TBC1D12: variants seen among roughly 807,000 people sequenced by gnomAD.
TBC1D12 encodes TBC1 domain family, member 12.
In TBC1D12, 56 loss-of-function variants were observed where a neutral mutation model predicts 86.7. The ratio of observed to expected loss-of-function variants is 0.65; its 90% confidence interval spans 0.52 to 0.81. The LOEUF is 0.81. TBC1D12 is among the 30% of genes least tolerant of loss of function. The pLI, the probability that TBC1D12 is intolerant of heterozygous loss-of-function variation, is 0.00. For missense variants in TBC1D12, 1,023 were observed against 1,038.8 expected (o/e 0.98, Z 0.21); for synonymous variants, 421 against 411.7 (o/e 1.02, Z -0.27).
intron 2 of TBC1D12, among the ~76,000 whole-genome samples, chr10:94,457,545 G>C (rs1476636987): frequency 1.3e-5 from 2 of 152,172 alleles, no homozygotes; most frequent in African/African-American, 4.8e-5. Context: ...CTCCAAAAGT[G>C]CTGGGATTAC....
At position 94,511,639 on chromosome 10, in the gene TBC1D12, G is replaced by C. The variant is rs369066898; in HGVS notation, c.1746G>C (p.Arg582Ser). 1 of 1,611,796 alleles carries C rather than the reference G, an allele frequency of 6.2e-7. No individual in the cohort carries two copies. The highest frequency in any genetic ancestry group is 8.5e-7 in the Non-Finnish European group (1 of 1,178,414). Residue 582 changes from arginine to serine, a missense_variant, in exon 9 of 13, where the codon AGG becomes AGC. Coordinates refer to ENST00000225235, the MANE Select transcript of TBC1D12 (RefSeq NM_015188.2). Reference sequence around the variant, plus strand: ...TTTTAGGGGCATACACATGCTACAGGCCTGATGTTGGTTATGTAAGTATTT... The same window carrying C: ...TTTTAGGGGCATACACATGCTACAGCCCTGATGTTGGTTATGTAAGTATTT... ...HSILGAYTCY[R>S]PDVGYVQGMS... is the part of the protein sequence containing the mutation.
rs868767022 is a variant in TBC1D12 at position 94,514,050 on chromosome 10, C to A, written c.1761+2396C>A. Among the ~76,000 whole-genome samples, 887 of 133,692 alleles carry A rather than the reference C, an allele frequency of 6.6e-3. 10 individuals are homozygous for A. Among genetic ancestry groups the A allele is most frequent in the African/African-American group, 0.018 (655 of 36,480 alleles). 87.7% of individuals were successfully genotyped at this position (133,692 alleles called of 152,430 possible). On this transcript the variant is annotated intron_variant, in intron 9 of 12. Transcript: ENST00000225235. The stretch of plus-strand genomic sequence containing the variant: ...TGTGTAATAAATCTCAAAAAAAAAA[C>A]AAAAAAAAAAAAACAGGCCAGGCAT...
chr10:94,496,516 C>T (rs1474314778), intron 4 of TBC1D12, among the ~76,000 whole-genome samples: 2 of 151,712 alleles, frequency 1.3e-5, no homozygotes, highest in Non-Finnish European at 1.5e-5. Flanking sequence ...ATTTATAAAC[C>T]CTTGTAGGAA....
Position 94,518,490 on chromosome 10 carries a change from C to G in TBC1D12, c.1762-3465C>G, listed in dbSNP as rs150844641. ...CCTCAGCCTTTTGTATGTGTCGTAA[C>G]AATGTCACTTTTCAAAAGTTAAGTC... On this transcript the variant is annotated intron_variant, in intron 9 of 12. Coordinates refer to ENST00000225235, the MANE Select transcript of TBC1D12 (RefSeq NM_015188.2). 5.2e-3 allele frequency among the ~76,000 whole-genome samples: 792 copies of G among 152,234 alleles called. 2 individuals are homozygous for G. The highest frequency in any genetic ancestry group is 6.6e-3 in the Non-Finnish European group (448 of 68,004).
chr10:94,532,975 TTAATC>T lies in TBC1D12; in HGVS notation c.2260-51_2260-47del, dbSNP rs1842468832. On this transcript the variant is annotated intron_variant, in intron 12 of 12. Coordinates refer to ENST00000225235, the MANE Select transcript of TBC1D12 (RefSeq NM_015188.2). ...ATGAACTATAGTTATTTAAATCTCT[TTAATC>T]TGGGTGGTAGTTTTTGAGGATTAAT... 6 of 1,027,470 alleles carry T rather than the reference TTAATC, an allele frequency of 5.8e-6. No homozygotes were observed. In the East Asian group the frequency reaches 1.3e-4, roughly 23 times the overall value. 63.6% of individuals were successfully genotyped at this position (1,027,470 alleles called of 1,614,324 possible).
rs1157045453 is a variant in TBC1D12 at position 94,441,880 on chromosome 10, C to G, written c.972-16C>G. The G allele has an allele frequency of 6.2e-7, 1 of 1,605,984 alleles. No individual in the cohort carries two copies. The highest frequency in any genetic ancestry group is 1.1e-5 in the South Asian group (1 of 88,952). ...GTTACAAAAAACACAATTCATGTAACTTTTCTGTGTTTCAGAAACCTTTTT... is the reference window on the plus strand; with the variant it reads ...GTTACAAAAAACACAATTCATGTAAGTTTTCTGTGTTTCAGAAACCTTTTT... On this transcript the variant is annotated splice_polypyrimidine_tract_variant and intron_variant, in intron 1 of 12. Coordinates refer to ENST00000225235, the MANE Select transcript of TBC1D12 (RefSeq NM_015188.2).
intron 3 of TBC1D12, among the ~76,000 whole-genome samples, chr10:94,479,767 T>G (rs1243727521): frequency 6.6e-6 from 1 of 152,194 alleles, no homozygotes; most frequent in African/African-American, 2.4e-5. Context: ...GCACCATCAT[T>G]GATTTATTGG....
intron 1 of TBC1D12, among the ~76,000 whole-genome samples, chr10:94,416,613 A>G (rs964789539): frequency 3.3e-5 from 5 of 152,226 alleles, no homozygotes; most frequent in Admixed American, 1.3e-4. Flanking sequence ...TACTAGGCAC[A>G]TAGGATATTA....
intron 11 of TBC1D12, among the ~76,000 whole-genome samples, chr10:94,526,350 G>T (rs984975715): frequency 6.6e-6 from 1 of 151,762 alleles, no homozygotes; most frequent in African/African-American, 2.4e-5. Context: ...TGGGAGGATG[G>T]CTTGAGCCTA....
chr10:94,461,894 G>C (rs991873820), intron 2 of TBC1D12, among the ~76,000 whole-genome samples: 2 of 152,144 alleles, frequency 1.3e-5, no homozygotes, highest in Non-Finnish European at 2.9e-5. Flanking sequence ...TTGTTAGGAT[G>C]CAGTGGCAAC....
At chr10:94,447,512 A>G in intron 2 of TBC1D12, 1 of 649,538 alleles carries the variant, frequency 1.5e-6, no homozygotes, top group Non-Finnish European at 1.9e-6. Flanking sequence ...AAAGAAACAT[A>G]AAAAACGTTT....
Position 94,417,215 on chromosome 10 carries a change from C to G in TBC1D12, c.971+13631C>G, listed in dbSNP as rs1430766369. ...GTAGTTTATGGGTGTTTGTCAGTCT[C>G]CTTTTCACAATGTGATATACAGATA... On this transcript the variant is annotated intron_variant, in intron 1 of 12. Coordinates refer to ENST00000225235, the MANE Select transcript of TBC1D12 (RefSeq NM_015188.2). 2.6e-5 allele frequency among the ~76,000 whole-genome samples: 4 copies of G among 152,232 alleles called. No individual in the cohort carries two copies. The East Asian group carries it at 5.8e-4, about 22-fold the overall frequency.
At chr10:94,440,241 C>T (rs368790344) in intron 1 of TBC1D12, among the ~76,000 whole-genome samples, 3 of 152,024 alleles carry the variant, frequency 2.0e-5, no homozygotes, top group East Asian at 3.9e-4. Context: ...AGTATCATAG[C>T]TCACTGCATC....
chr10:94,488,753 C>A (rs952633556), intron 3 of TBC1D12, among the ~76,000 whole-genome samples: 1 of 151,902 alleles, frequency 6.6e-6, no homozygotes, highest in Non-Finnish European at 1.5e-5. Flanking sequence ...TCTTTCAAGG[C>A]AGCAGGTTCA....
intron 7 of TBC1D12, 170 bp from the exon 8 acceptor site, chr10:94,509,921 G>C (rs770073286): frequency 1.9e-5 from 11 of 564,624 alleles, no homozygotes; most frequent in Non-Finnish European, 3.0e-5. Context: ...TATTTTCTTT[G>C]TACAAGAGAA....
At chr10:94,474,646 G>T (rs1481060278) in intron 2 of TBC1D12, 22 bp from the exon 3 acceptor site, 1 of 1,569,334 alleles carries the variant, frequency 6.4e-7, no homozygotes, top group South Asian at 1.1e-5. Context: ...TTCTGCATAA[G>T]GTATGTTTTA....
At chr10:94,507,599 G>A (rs1022577432) in intron 7 of TBC1D12, among the ~76,000 whole-genome samples, 1 of 152,172 alleles carries the variant, frequency 6.6e-6, no homozygotes, top group African/African-American at 2.4e-5. Flanking sequence ...CTGGCAGACA[G>A]CAGCTATTTC....
intron 2 of TBC1D12, among the ~76,000 whole-genome samples, chr10:94,463,218 T>G (rs1482107962): frequency 1.3e-5 from 2 of 152,178 alleles, no homozygotes; most frequent in African/African-American, 2.4e-5. Flanking sequence ...ATATGGATGG[T>G]CAGTGTCTCA....
chr10:94,483,732 G>GT (rs541439325), intron 3 of TBC1D12, among the ~76,000 whole-genome samples: 4,740 of 150,010 alleles, frequency 0.032, 132 homozygotes, highest in African/African-American at 0.076. Context: ...TTTTGTTTTT[G>GT]TTTTTTTTTG....
Sources: gnomAD v4.1 joint callset for allele counts (sites outside exome capture counted in the v4.1 genomes callset) on GRCh38, gnomAD v4.1.1 for gene constraint, MANE v1.5 for transcripts, NCBI Gene and HGNC (gene_info 2026-07-23, HGNC 2026-07-21) for gene names.